CCDC57: variants seen among roughly 807,000 people sequenced by gnomAD.
CCDC57 encodes coiled-coil domain containing 57, also known as coiled-coil domain-containing protein 57.
CCDC57 carries 118 observed loss-of-function variants against 118.9 expected under a neutral mutation model. The observed-to-expected ratio is 0.99, with a 90% CI of 0.86 to 1.16. The LOEUF (loss-of-function observed/expected upper bound fraction) is 1.16, where lower values mean the gene tolerates loss of function less well. Among genes scored for constraint, CCDC57 ranks in the 50% most tolerant of loss-of-function variants. The pLI, the probability that CCDC57 is intolerant of heterozygous loss-of-function variation, is 0.00. For synonymous variants in CCDC57, 527 were observed against 532.9 expected (o/e 0.99, Z 0.15); for missense variants, 1,300 against 1,320.7 (o/e 0.98, Z 0.24).
At chr17:82,119,477 T>C (rs2036376543) in intron 19 of CCDC57, among the ~76,000 whole-genome samples, 1 of 150,438 alleles carries the variant, frequency 6.6e-6, no homozygotes, top group Non-Finnish European at 1.5e-5. Flanking sequence ...CTGCAGACCA[T>C]GCCCCTGCCC....
intron 9 of CCDC57, among the ~76,000 whole-genome samples, chr17:82,181,162 A>G (rs1324634867): frequency 1.3e-5 from 2 of 152,256 alleles, no homozygotes; most frequent in East Asian, 1.9e-4. Context: ...GGATCTGTGC[A>G]GGGATCCCCT....
At chr17:82,187,304 A>G (rs1472133867) in intron 8 of CCDC57, among the ~76,000 whole-genome samples, 1 of 150,082 alleles carries the variant, frequency 6.7e-6, no homozygotes, top group African/African-American at 2.4e-5. Context: ...GAAAATGGTT[A>G]CAATAGTAAA....
intron 14 of CCDC57, among the ~76,000 whole-genome samples, chr17:82,159,840 C>T (rs74480314): frequency 0.45 from 67,396 of 148,310 alleles, 17,325 homozygotes; most frequent in East Asian, 0.88. Context: ...CCCGGCTCAT[C>T]TTTTGTATTT....
intron 8 of CCDC57, 22 bp from the exon 8 acceptor site, chr17:82,183,954 TG>T: frequency 6.2e-7 from 1 of 1,608,714 alleles, no homozygotes; most frequent in Non-Finnish European, 8.5e-7. Context: ...AGGGAAACTA[TG>T]TAGATGTGGT....
At chr17:82,149,582 TC>T (rs977260492) in intron 16 of CCDC57, among the ~76,000 whole-genome samples, 8 of 152,028 alleles carry the variant, frequency 5.3e-5, no homozygotes, top group African/African-American at 1.7e-4. Context: ...GCGAAGTGGG[TC>T]CCCAGAGCGC....
Position 82,212,608 on chromosome 17 carries a change from G to A in CCDC57, c.-211+177C>T, listed in dbSNP as rs1422085186. ...CGCCCCGCCCCGCCGCAGCCTCCGC[G>A]AGGGGATCCCCGGTCCGGGCCTGGC... is the stretch of plus-strand genomic sequence containing the variant. On this transcript the variant is annotated intron_variant, in intron 1 of 19. Transcript: ENST00000665763. The surrounding 1 kb of genome is among the most constrained non-coding windows in gnomAD (Gnocchi z 4.1). 1.3e-5 allele frequency among the ~76,000 whole-genome samples: 2 copies of A among 151,462 alleles called. No homozygotes were observed. Among genetic ancestry groups the A allele is most frequent in the East Asian group, 2.0e-4 (1 of 5,110 alleles).
chr17:82,148,347 A>G (rs56651744), intron 16 of CCDC57, among the ~76,000 whole-genome samples: 24 of 16,786 alleles, frequency 1.4e-3, no homozygotes, highest in Middle Eastern at 0.036. Flanking sequence ...ATGGATGGAT[A>G]GGTGGGTGGA....
intron 17 of CCDC57, 44 bp downstream of exon 16, chr17:82,134,029 G>A: frequency 7.5e-7 from 1 of 1,335,060 alleles, no homozygotes; most frequent in South Asian, 2.1e-5. Flanking sequence ...ACACAATTAG[G>A]GAAATATTTT....
In CCDC57 at chr17:82,188,125, C is replaced by T. The variant is rs939390795; in HGVS notation, c.1052+94G>A. ...AAGCCACTCTGTCTGCTGCCTGGCC[C>T]CCTTTCCTGTGGTCTGGCACCAGTG... On this transcript the variant is annotated intron_variant, in intron 8 of 19. Coordinates refer to ENST00000665763, the Ensembl canonical transcript of CCDC57. The T allele has an allele frequency of 5.7e-5, 61 of 1,074,182 alleles. No homozygotes were observed. The African/African-American group carries it at 9.1e-4, about 16-fold the overall frequency. 66.5% of individuals were successfully genotyped at this position (1,074,182 alleles called of 1,614,324 possible).
chr17:82,168,690 A>G (rs2044300003), intron 13 of CCDC57, among the ~76,000 whole-genome samples: 1 of 152,200 alleles, frequency 6.6e-6, no homozygotes, highest in African/African-American at 2.4e-5. Flanking sequence ...ATCAAAAGAA[A>G]GCCCGAGTGG....
chr17:82,188,095 T>C, intron 8 of CCDC57, 124 bp downstream of exon 7: 1 of 677,428 alleles, frequency 1.5e-6, no homozygotes, highest in Non-Finnish European at 2.3e-6. Flanking sequence ...GACTGAGAGC[T>C]ACAGAAGCCA....
At chr17:82,128,470 TG>T in intron 18 of CCDC57, 22 bp downstream of exon 17, 1 of 1,520,146 alleles carries the variant, frequency 6.6e-7, no homozygotes. Context: ...CAGCTGCACT[TG>T]CTCGGGCGCC....
chr17:82,181,331 G>A lies in CCDC57; in HGVS notation c.1212-2142C>T, dbSNP rs533176236. Among the ~76,000 whole-genome samples, 9 of 152,372 alleles carry A rather than the reference G, an allele frequency of 5.9e-5. No individual in the cohort carries two copies. The South Asian group carries it at 6.2e-4, about 11-fold the overall frequency. ...CCGGCGGAGCATCCTTGGAGCTCTC[G>A]CTCCAGGGCACGCAGTGGGGTCTGG... On this transcript the variant is annotated intron_variant, in intron 9 of 19. Transcript: ENST00000665763.
At chr17:82,191,217 C>T (rs567706109) in intron 7 of CCDC57, among the ~76,000 whole-genome samples, 7 of 152,232 alleles carry the variant, frequency 4.6e-5, no homozygotes, top group South Asian at 4.2e-4. Context: ...GAGGAATGAA[C>T]GGGAGACAAC....
At chr17:82,190,437 T>C (rs934429937) in intron 7 of CCDC57, among the ~76,000 whole-genome samples, 1 of 152,158 alleles carries the variant, frequency 6.6e-6, no homozygotes, top group Non-Finnish European at 1.5e-5. Flanking sequence ...TGCTCACCCC[T>C]GTAATCGCAG....
At chr17:82,177,415 C>T (rs768982927) in intron 11 of CCDC57, among the ~76,000 whole-genome samples, 8 of 152,008 alleles carry the variant, frequency 5.3e-5, no homozygotes, top group East Asian at 1.9e-4. Context: ...CGTGGTGATG[C>T]GCACCTGTGG....
intron 13 of CCDC57, among the ~76,000 whole-genome samples, chr17:82,164,253 C>A (rs1245840406): frequency 6.6e-6 from 1 of 151,556 alleles, no homozygotes; most frequent in Non-Finnish European, 1.5e-5. Context: ...TGGTGGTGCG[C>A]CCCTGTGGTC....
chr17:82,177,794 T>C (rs925763919), intron 11 of CCDC57, among the ~76,000 whole-genome samples: 6 of 152,194 alleles, frequency 3.9e-5, no homozygotes, highest in African/African-American at 1.4e-4. Context: ...CACACTTACA[T>C]GTCGGCTGCA....
chr17:82,188,332 C>G (rs1297316052), exon 8 of CCDC57: 4 of 1,608,396 alleles, frequency 2.5e-6, no homozygotes, highest in Non-Finnish European at 2.5e-6. Flanking sequence ...CCCTGGTCTG[C>G]AGCTCCTGCA....
Sources: allele counts gnomAD v4.1 joint callset (sites outside exome capture counted in the v4.1 genomes callset), GRCh38; gene constraint gnomAD v4.1.1; non-coding constraint Gnocchi (gnomAD v3.1); transcripts MANE v1.5; gene names NCBI Gene and HGNC (gene_info 2026-07-23, HGNC 2026-07-21).